COL18A1: variants seen among roughly 807,000 people sequenced by gnomAD.
COL18A1 encodes the protein collagen type XVIII alpha 1 chain, also known as collagen alpha-1(XVIII) chain.
COL18A1 carries 133 observed loss-of-function variants against 168.0 expected under a neutral mutation model. The ratio of observed to expected loss-of-function variants is 0.79; its 90% CI spans 0.69 to 0.91. The LOEUF (loss-of-function observed/expected upper bound fraction) is 0.91, where lower values mean the gene tolerates loss of function less well. Ranked by LOEUF, COL18A1 falls within the 40% of genes least tolerant of loss-of-function variation. The pLI is 0.00. For missense variants in COL18A1, 2,126 were observed against 1,925.4 expected (o/e 1.10, Z -1.95); for synonymous variants, 949 against 809.0 (o/e 1.17, Z -2.94).
chr21:45,448,896 G>A (rs953705698), intron 2 of COL18A1, among the ~76,000 whole-genome samples: 2 of 152,164 alleles, frequency 1.3e-5, no homozygotes, highest in Non-Finnish European at 2.9e-5. Context: ...TCCTAACGTG[G>A]CAGTCCAGCT....
At position 45,477,826 on chromosome 21, in the gene COL18A1, G is replaced by A. The variant is rs749752016; in HGVS notation, c.1082G>A (p.Cys361Tyr). The part of the protein sequence containing the change: ...PGRAGPPGSP[C>Y]LPGPPGLPCP... ...CGGGCAGGCCCCCCAGGATCCCCAT[G>A]CCTACCTGGTCCCCCGGGTCTCCCG... Residue 361 changes from cysteine to tyrosine, a missense_variant, in exon 8 of 42, where the codon TGC (cysteine) becomes TAC (tyrosine). By Grantham distance (194) the Cys-to-Tyr change is radical. Coordinates refer to ENST00000651438, the MANE Select transcript of COL18A1 (RefSeq NM_001379500.1). 1 of 1,552,572 alleles carries A rather than the reference G, an allele frequency of 6.4e-7. No individual in the cohort carries two copies. The highest frequency in any genetic ancestry group is 1.2e-5 in the South Asian group (1 of 84,212).
At chr21:45,414,640 C>T (rs1357787989) in intron 2 of COL18A1, among the ~76,000 whole-genome samples, 1 of 152,226 alleles carries the variant, frequency 6.6e-6, no homozygotes, top group Non-Finnish European at 1.5e-5. Context: ...CTGAGGGCCT[C>T]ACGGACAGCC....
intron 33 of COL18A1, 176 bp downstream of exon 33, chr21:45,504,230 A>AGTTTTTGG: frequency 8.8e-6 from 8 of 911,858 alleles, no homozygotes; most frequent in Middle Eastern, 6.6e-4. Flanking sequence ...TCCCCGGCTC[A>AGTTTTTGG]GTTTTTGGGG....
chr21:45,505,817 C>T (rs1334435927), intron 36 of COL18A1, 21 bp from the exon 37 acceptor site: 3 of 1,588,968 alleles, frequency 1.9e-6, no homozygotes, highest in Non-Finnish European at 2.6e-6. Context: ...AGCCCCACAC[C>T]TCTGCATTTG....
At chr21:45,433,448 G>A (rs1057371445) in intron 2 of COL18A1, among the ~76,000 whole-genome samples, 25 of 152,144 alleles carry the variant, frequency 1.6e-4, no homozygotes, top group African/African-American at 6.0e-4. Flanking sequence ...CTGTCTGGAA[G>A]GTGAGCAGGG....
intron 11 of COL18A1, 91 bp downstream of exon 11, chr21:45,480,247 C>G: frequency 2.7e-6 from 3 of 1,131,042 alleles, no homozygotes; most frequent in Non-Finnish European, 3.9e-6. Flanking sequence ...GCTCCACCCT[C>G]AGGGGCTTGC....
At chr21:45,437,392 C>A (rs1335306710) in intron 2 of COL18A1, among the ~76,000 whole-genome samples, 2 of 102,638 alleles carry the variant, frequency 1.9e-5, no homozygotes, top group African/African-American at 4.5e-5. Context: ...AGGCACTCTC[C>A]TGCACACACA....
chr21:45,486,737 G>A (rs552939896), intron 15 of COL18A1, 124 bp from the exon 16 acceptor site: 190 of 1,108,902 alleles, frequency 1.7e-4, no homozygotes, highest in Middle Eastern at 2.5e-4. Context: ...TTGCTTGGCA[G>A]AATGTTCCTT....
At chr21:45,408,751 G>A (rs1038843283) in intron 2 of COL18A1, among the ~76,000 whole-genome samples, 4 of 152,080 alleles carry the variant, frequency 2.6e-5, no homozygotes, top group Non-Finnish European at 5.9e-5. Flanking sequence ...TGGGGGAGGG[G>A]TGCCTGCTTC....
chr21:45,481,835 C>G, intron 13 of COL18A1, 128 bp from the exon 14 acceptor site: 1 of 743,352 alleles, frequency 1.3e-6, no homozygotes, highest in South Asian at 1.5e-5. Flanking sequence ...GGACTCTGGC[C>G]CTGTGTCTGG....
At chr21:45,489,821 T>TG (rs2036236430) in intron 19 of COL18A1, among the ~76,000 whole-genome samples, 1 of 124,164 alleles carries the variant, frequency 8.1e-6, no homozygotes, top group Non-Finnish European at 1.8e-5. Flanking sequence ...TCTCCCTCCT[T>TG]TTCCCCGACT....
At chr21:45,495,015 G>A in intron 28 of COL18A1, 100 bp downstream of exon 28, 2 of 1,048,780 alleles carry the variant, frequency 1.9e-6, no homozygotes, top group South Asian at 1.4e-5. Flanking sequence ...GGAGTGGACG[G>A]CCGCCGCACC....
chr21:45,429,294 C>T (rs2033892281), intron 2 of COL18A1, among the ~76,000 whole-genome samples: 1 of 152,172 alleles, frequency 6.6e-6, no homozygotes, highest in South Asian at 2.1e-4. Context: ...GCCAGGGCTC[C>T]CCAAGATGAA....
intron 2 of COL18A1, among the ~76,000 whole-genome samples, chr21:45,461,001 G>T (rs913867084): frequency 6.6e-6 from 1 of 152,262 alleles, no homozygotes; most frequent in Non-Finnish European, 1.5e-5. Context: ...TTGGGTTTTT[G>T]TATATATCTA....
At chr21:45,500,312 AGT>A (rs2036717871) in intron 32 of COL18A1, among the ~76,000 whole-genome samples, 2 of 15,700 alleles carry the variant, frequency 1.3e-4, no homozygotes, top group African/African-American at 7.2e-4. Flanking sequence ...GTGGGTGTGT[AGT>A]GGGGGTGTGA....
chr21:45,408,321 A>G (rs1408017810), intron 2 of COL18A1: 1 of 152,270 alleles, frequency 6.6e-6, no homozygotes, highest in Non-Finnish European at 1.5e-5. Context: ...GCAGGGGCAC[A>G]ACTGTGTACA....
intron 41 of COL18A1, 101 bp downstream of exon 41, chr21:45,511,327 T>C: frequency 1.4e-6 from 1 of 711,930 alleles, no homozygotes; most frequent in Admixed American, 2.0e-5. Flanking sequence ...TTTGGACAAA[T>C]CTTATACATG....
chr21:45,480,308 C>A, intron 11 of COL18A1, 152 bp downstream of exon 11: 7 of 1,369,806 alleles, frequency 5.1e-6, no homozygotes, highest in Non-Finnish European at 7.1e-6. Flanking sequence ...GAGCCCCCAT[C>A]CACCTGCCTT....
At chr21:45,466,511 G>A (rs771174504) in intron 2 of COL18A1, among the ~76,000 whole-genome samples, 2 of 152,220 alleles carry the variant, frequency 1.3e-5, no homozygotes, top group African/African-American at 2.4e-5. Context: ...CTGAGCTCTC[G>A]AAATGGGGTT....
Sources: gnomAD v4.1 joint callset for allele counts (sites outside exome capture counted in the v4.1 genomes callset) on GRCh38, gnomAD v4.1.1 for gene constraint, MANE v1.5 for transcripts, NCBI Gene and HGNC (gene_info 2026-07-23, HGNC 2026-07-21) for gene names.